Variants in TBPL1 observed in about 807,000 individuals in gnomAD.
TBPL1 encodes the protein TATA box-binding protein-like 1.
A neutral mutation model predicts 22.1 loss-of-function variants in TBPL1; 4 were observed. The observed-to-expected ratio is 0.18, with a 90% CI of 0.09 to 0.41. The LOEUF (loss-of-function observed/expected upper bound fraction) is 0.41. Among genes scored for constraint, TBPL1 ranks in the 10% least tolerant of loss-of-function variants. The pLI, the probability that TBPL1 is intolerant of heterozygous loss-of-function variation, is 1.00. For synonymous variants in TBPL1, 64 were observed against 71.0 expected, an observed-to-expected ratio of 0.90 and a Z score of 0.50; for missense variants, 115 against 222.3, an observed-to-expected ratio of 0.52 and a Z score of 3.07.
chr6:133,984,490 G>A lies in TBPL1; in HGVS notation c.386+11G>A. 3.1e-6 allele frequency: 5 copies of A among 1,613,004 alleles called. No homozygotes were observed. Among genetic ancestry groups the A allele is most frequent in the Non-Finnish European group, 4.2e-6 (5 of 1,179,422 alleles). Reference sequence around the variant, plus strand: ...TAGACCTCATGCCAGGTAAGTCTTTGAAGCAATTTATCTTGAGAAATTACC... The same window carrying A: ...TAGACCTCATGCCAGGTAAGTCTTTAAAGCAATTTATCTTGAGAAATTACC... On this transcript the variant is annotated intron_variant, in intron 5 of 6. Transcript: ENST00000237264.
intron 1 of TBPL1, among the ~76,000 whole-genome samples, chr6:133,964,123 A>T (rs984757479): frequency 1.3e-5 from 2 of 152,120 alleles, no homozygotes; most frequent in Non-Finnish European, 2.9e-5. Flanking sequence ...TTTTACTTGT[A>T]TATTATCATT....
At chr6:133,974,737 C>G (rs2114364631) in intron 1 of TBPL1, among the ~76,000 whole-genome samples, 1 of 152,276 alleles carries the variant, frequency 6.6e-6, no homozygotes, top group South Asian at 2.1e-4. Context: ...AGTTTTTGTA[C>G]CAGACTGTAA....
chr6:133,954,340 GC>G (rs1231404164), intron 1 of TBPL1, among the ~76,000 whole-genome samples: 1 of 152,210 alleles, frequency 6.6e-6, no homozygotes, highest in African/African-American at 2.4e-5. Flanking sequence ...GTGTGTGTAA[GC>G]AATGTGGATT....
At chr6:133,965,629 C>G (rs1562657921) in intron 1 of TBPL1, among the ~76,000 whole-genome samples, 1 of 151,272 alleles carries the variant, frequency 6.6e-6, no homozygotes, top group East Asian at 1.9e-4. Context: ...TTTTAATTCA[C>G]TGTTAAATTT....
chr6:133,976,636 A>G (rs1467905464), intron 1 of TBPL1, among the ~76,000 whole-genome samples: 1 of 152,188 alleles, frequency 6.6e-6, no homozygotes, highest in Non-Finnish European at 1.5e-5. Flanking sequence ...TCGATAAATT[A>G]TGTCACTACA....
chr6:133,963,983 A>G (rs1265521058), intron 1 of TBPL1, among the ~76,000 whole-genome samples: 6 of 151,996 alleles, frequency 3.9e-5, no homozygotes, highest in Non-Finnish European at 8.8e-5. Context: ...GGAGGTTGCA[A>G]TGAGCCGAGA....
intron 2 of TBPL1, 70 bp downstream of exon 2, chr6:133,980,330 G>A: frequency 2.7e-6 from 4 of 1,460,538 alleles, no homozygotes; most frequent in Non-Finnish European, 3.6e-6. Context: ...ATACTAAAAT[G>A]TATTCATTCT....
rs1385317691 is a variant in TBPL1 at position 133,988,732 on chromosome 6, T to A, written c.*1692T>A. 6 of 151,996 alleles carry A rather than the reference T, an allele frequency of 3.9e-5. No individual in the cohort carries two copies. The highest frequency in any genetic ancestry group is 7.4e-5 in the Non-Finnish European group (5 of 67,980). 9.4% of individuals were successfully genotyped at this position (151,996 alleles called of 1,614,324 possible). A position where few individuals can be genotyped will look rare whatever the true frequency, so the allele number is the denominator to read the frequency against. Reference sequence around the variant, plus strand: ...TTTAGACTTGTATTTTTCCTTTTTTTTAAAAAAAAAGTGTTTATTTCCTTT... The same window carrying A: ...TTTAGACTTGTATTTTTCCTTTTTTATAAAAAAAAAGTGTTTATTTCCTTT... On this transcript the variant is annotated 3_prime_UTR_variant, in exon 7 of 7. Transcript: ENST00000237264.
chr6:133,968,764 G>A (rs1297891118), intron 1 of TBPL1: 1 of 152,174 alleles, frequency 6.6e-6, no homozygotes, highest in Non-Finnish European at 1.5e-5. Flanking sequence ...TCTGCCCTTG[G>A]GTTCAAGCAG....
intron 1 of TBPL1, among the ~76,000 whole-genome samples, chr6:133,977,295 G>T (rs1045212297): frequency 6.6e-6 from 1 of 152,104 alleles, no homozygotes; most frequent in African/African-American, 2.4e-5. Flanking sequence ...ATAAAAATAT[G>T]AATACTTAGT....
chr6:133,959,404 A>G (rs113971906), intron 1 of TBPL1, among the ~76,000 whole-genome samples: 12,039 of 152,206 alleles, frequency 0.079, 461 homozygotes, highest in Admixed American at 0.085. Context: ...ATAGTCCACA[A>G]TAAAACTTGC....
intron 1 of TBPL1, among the ~76,000 whole-genome samples, chr6:133,960,418 C>CTTTT (rs765884620): frequency 0.049 from 6,428 of 131,396 alleles, 139 homozygotes; most frequent in Admixed American, 0.067. Context: ...GCTGACCAGC[C>CTTTT]TTTTTTTTTT....
intron 1 of TBPL1, 139 bp from the exon 2 acceptor site, chr6:133,979,943 G>A (rs934160230): frequency 4.3e-5 from 28 of 651,512 alleles, no homozygotes; most frequent in Admixed American, 8.9e-5. Flanking sequence ...CACTGTGCCC[G>A]GCCAGGGACA....
At chr6:133,953,035 G>C (rs1314250481), upstream of TBPL1, 1 of 152,106 alleles carries the variant, frequency 6.6e-6, no homozygotes. Flanking sequence ...GCCTGATTTG[G>C]GGACCAGGAA....
At chr6:133,956,611 CGTT>C (rs1562654224) in intron 1 of TBPL1, among the ~76,000 whole-genome samples, 1 of 152,112 alleles carries the variant, frequency 6.6e-6, no homozygotes, top group African/African-American at 2.4e-5. Context: ...TTGAAGATTA[CGTT>C]GTTAATAGAA....
chr6:133,982,930 T>TTAATTC, intron 4 of TBPL1, 50 bp downstream of exon 4: 1 of 1,512,116 alleles, frequency 6.6e-7, no homozygotes, highest in Non-Finnish European at 9.0e-7. Flanking sequence ...GGACTTATTT[T>TTAATTC]TATAGAATTA....
intron 1 of TBPL1, among the ~76,000 whole-genome samples, chr6:133,962,812 C>T (rs1056672814): frequency 1.3e-5 from 2 of 152,108 alleles, no homozygotes; most frequent in African/African-American, 4.8e-5. Flanking sequence ...AGTGTGTATA[C>T]AATTTCAGGG....
chr6:133,980,764 T>A (rs1478759538), intron 2 of TBPL1, among the ~76,000 whole-genome samples: 1 of 151,716 alleles, frequency 6.6e-6, no homozygotes, highest in African/African-American at 2.4e-5. Flanking sequence ...AGCCTGAATA[T>A]TAATAAGTAA....
chr6:133,982,085 G>T (rs534001779), intron 2 of TBPL1, among the ~76,000 whole-genome samples: 7 of 152,310 alleles, frequency 4.6e-5, no homozygotes, highest in Non-Finnish European at 7.4e-5. Flanking sequence ...AGCAATGAAG[G>T]GATGGGTGTT....
Sources: gnomAD v4.1 joint callset for allele counts (sites outside exome capture counted in the v4.1 genomes callset) on GRCh38, gnomAD v4.1.1 for gene constraint, MANE v1.5 for transcripts, NCBI Gene and HGNC (gene_info 2026-07-23, HGNC 2026-07-21) for gene names.